Variants in GPLD1 observed in about 807,000 individuals in gnomAD.
The protein encoded by GPLD1 is glycosylphosphatidylinositol specific phospholipase D1, also known as phosphatidylinositol-glycan-specific phospholipase D.
In GPLD1, 84 loss-of-function variants were observed where a neutral mutation model predicts 112.6. The ratio of observed to expected loss-of-function variants is 0.75; its 90% CI spans 0.63 to 0.89. The LOEUF (loss-of-function observed/expected upper bound fraction) is 0.89. Ranked by LOEUF, GPLD1 falls within the 40% of genes least tolerant of loss-of-function variation. The pLI is 0.00. For missense variants in GPLD1, 1,044 were observed against 1,051.5 expected, an observed-to-expected ratio of 0.99 and a Z score of 0.10; for synonymous variants, 386 against 403.8, an observed-to-expected ratio of 0.96 and a Z score of 0.53.
Position 24,473,615 on chromosome 6 carries a change from G to C in GPLD1, c.490+4C>G. ...AAAATTTAGCAAATGTAAATAAACA[G>C]TACCAAAATCACCAGCCGAATGAGC... On this transcript the variant is annotated splice_donor_region_variant and intron_variant, in intron 6 of 24. Transcript: ENST00000230036. 1 of 1,590,902 alleles carries C rather than the reference G, an allele frequency of 6.3e-7. No individual in the cohort carries two copies. The highest frequency in any genetic ancestry group is 8.6e-7 in the Non-Finnish European group (1 of 1,159,318).
rs552592839 is a variant in GPLD1, at chr6:24,437,801, G to A, written c.2021-512C>T. On this transcript the variant is annotated intron_variant, in intron 20 of 24. Transcript: ENST00000230036. ...TGCCTGGAATAGAGGCATATGCTCCGCGTGCTCCCCTGTCCACATCCCTCT... is the reference window on the plus strand; with the variant it reads ...TGCCTGGAATAGAGGCATATGCTCCACGTGCTCCCCTGTCCACATCCCTCT... Among the ~76,000 whole-genome samples the A allele has an allele frequency of 7.9e-5, 12 of 152,264 alleles. No individual in the cohort carries two copies. The South Asian group carries it at 8.3e-4, about 11-fold the overall frequency.
At chr6:24,482,097 A>AT (rs66567770) in intron 2 of GPLD1, among the ~76,000 whole-genome samples, 25,752 of 103,158 alleles carry the variant, frequency 0.25, 3,525 homozygotes, top group South Asian at 0.29. Flanking sequence ...GTATTTTTGG[A>AT]TTTTTTTTTT....
intron 20 of GPLD1, 107 bp from the exon 21 acceptor site, chr6:24,437,396 A>G: frequency 9.1e-7 from 1 of 1,100,226 alleles, no homozygotes; most frequent in East Asian, 2.4e-5. Flanking sequence ...ATCCTACAGG[A>G]CAGTCGGTTT....
chr6:24,434,991 C>T (rs1762523691), intron 22 of GPLD1, among the ~76,000 whole-genome samples: 1 of 149,068 alleles, frequency 6.7e-6, no homozygotes, highest in East Asian at 2.0e-4. Flanking sequence ...TTTTTTTAAT[C>T]TGTAAATGGG....
At chr6:24,457,734 G>A (rs928473800) in intron 12 of GPLD1, among the ~76,000 whole-genome samples, 1 of 152,004 alleles carries the variant, frequency 6.6e-6, no homozygotes, top group Non-Finnish European at 1.5e-5. Flanking sequence ...TTAGCTGGGA[G>A]TGGTGGCGGG....
Position 24,425,870 on chromosome 6 carries a change from C to T in GPLD1, c.*3162G>A, listed in dbSNP as rs1561819754. On this transcript the variant is annotated 3_prime_UTR_variant, in exon 25 of 25. Transcript: ENST00000230036. ...AGCTATTTATTTTGGTGAGTTATTCCAAGAGTTGTATACAGCTTTATTTTT... is the reference window on the plus strand; with the variant it reads ...AGCTATTTATTTTGGTGAGTTATTCTAAGAGTTGTATACAGCTTTATTTTT... The T allele has an allele frequency of 2.0e-5, 3 of 152,116 alleles. No individual in the cohort carries two copies. The highest frequency in any genetic ancestry group is 1.5e-5 in the Non-Finnish European group (1 of 68,014). 9.4% of individuals were successfully genotyped at this position (152,116 alleles called of 1,614,324 possible).
chr6:24,480,986 T>C (rs1246531018), intron 2 of GPLD1, among the ~76,000 whole-genome samples: 2 of 152,210 alleles, frequency 1.3e-5, no homozygotes, highest in African/African-American at 4.8e-5. Context: ...ATATTGTTAG[T>C]AAGGCAGGTG....
intron 10 of GPLD1, among the ~76,000 whole-genome samples, chr6:24,463,998 C>T (rs55968948): frequency 0.15 from 22,522 of 152,122 alleles, 4,135 homozygotes; most frequent in African/African-American, 0.44. Context: ...GAATAAGGTC[C>T]AGCTATCTTT....
intron 2 of GPLD1, among the ~76,000 whole-genome samples, chr6:24,480,778 T>C (rs956064288): frequency 6.6e-6 from 1 of 152,224 alleles, no homozygotes; most frequent in Non-Finnish European, 1.5e-5. Flanking sequence ...ATGGGATGTC[T>C]AGCTGCATGC....
At position 24,473,677 on chromosome 6, in the gene GPLD1, A is replaced by T. The variant is rs1763902985; in HGVS notation, c.442-10T>A. The T allele has an allele frequency of 2.5e-6, 4 of 1,594,196 alleles. No individual in the cohort carries two copies. The highest frequency in any genetic ancestry group is 3.4e-6 in the Non-Finnish European group (4 of 1,162,700). ...AGCCGTGAAAATCAATCTAAGAAAG[A>T]AAGAGAACCATCTGGTGTGTATTAC... On this transcript the variant is annotated splice_polypyrimidine_tract_variant and intron_variant, in intron 5 of 24. Transcript: ENST00000230036.
rs188810195 is a variant in GPLD1, at chr6:24,463,937, G to A, written c.822-1142C>T. Among the ~76,000 whole-genome samples the A allele has an allele frequency of 1.0e-3, 155 of 152,250 alleles. 1 individual carries two copies. The Middle Eastern group carries it at 0.017, about 17-fold the overall frequency. On this transcript the variant is annotated intron_variant, in intron 10 of 24. Transcript: ENST00000230036. ...TTACACCTTGGTAAATTGGGACAGG[G>A]ATCAAGAGACAAGAAATATGTTCTT...
At chr6:24,455,209 C>G (rs1301513589) in intron 13 of GPLD1, among the ~76,000 whole-genome samples, 1 of 152,264 alleles carries the variant, frequency 6.6e-6, no homozygotes, top group Non-Finnish European at 1.5e-5. Context: ...TCAATGCTGG[C>G]CAGTAATGGC....
In GPLD1 at chr6:24,486,026, TAAAAG is replaced by T. The variant is rs778321287; in HGVS notation, c.153+44_153+48del. Reference sequence around the variant, plus strand: ...TGTTAGGATCTTTGTTTGGCACCTATAAAAGAAAACTAATGCACAAAGAAGAAAAG... The same window carrying T: ...TGTTAGGATCTTTGTTTGGCACCTATAAAACTAATGCACAAAGAAGAAAAG... On this transcript the variant is annotated intron_variant, in intron 2 of 24. Transcript: ENST00000230036. 4 of 1,103,048 alleles carry T rather than the reference TAAAAG, an allele frequency of 3.6e-6. No homozygotes were observed. The East Asian group carries it at 7.1e-5, about 19-fold the overall frequency. The allele number at this position is 1,103,048 out of a possible 1,614,324, so 68.3% of individuals were successfully genotyped here.
intron 23 of GPLD1, 62 bp downstream of exon 23, chr6:24,433,301 A>C: frequency 6.3e-7 from 1 of 1,585,876 alleles, no homozygotes. Flanking sequence ...ATCCGTTTAA[A>C]ATAAACCAAG....
chr6:24,492,020 C>T (rs541171292), upstream of GPLD1, among the ~76,000 whole-genome samples: 14 of 152,152 alleles, frequency 9.2e-5, no homozygotes, highest in South Asian at 4.1e-4. Flanking sequence ...TTCTTTCTGC[C>T]CCACACCCCC....
At chr6:24,486,537 C>A (rs1034647761) in intron 1 of GPLD1, among the ~76,000 whole-genome samples, 3 of 152,212 alleles carry the variant, frequency 2.0e-5, no homozygotes, top group Non-Finnish European at 4.4e-5. Context: ...AACTGCCAGA[C>A]CACACATGGT....
chr6:24,446,687 A>T lies in GPLD1; in HGVS notation c.1820+151T>A, dbSNP rs1376035711. 5.0e-6 allele frequency: 3 copies of T among 605,724 alleles called. No homozygotes were observed. The Admixed American group carries it at 1.1e-4, about 22-fold the overall frequency. The allele number at this position is 605,724 out of a possible 1,614,324, so 37.5% of individuals were successfully genotyped here. A position where few individuals can be genotyped will look rare whatever the true frequency, so the allele number is the denominator to read the frequency against. ...TTGTATTTTTAAATTTCTAAGGAGG[A>T]GAATTTGCAATCTTGCCCAGAGCCT... On this transcript the variant is annotated intron_variant, in intron 18 of 24. Coordinates refer to ENST00000230036, the MANE Select transcript of GPLD1 (RefSeq NM_001503.4).
rs139415041 is a variant in GPLD1, at chr6:24,442,321, A to C, written c.2020+3225T>G. Among the ~76,000 whole-genome samples, 346 of 148,590 alleles carry C rather than the reference A, an allele frequency of 2.3e-3. 3 individuals are homozygous for C. Among genetic ancestry groups the C allele is most frequent in the Middle Eastern group, 3.5e-3 (1 of 284 alleles). ...TTTTCTGTAGAGATGGGGTCTCCCTATATTGTCCAGGCTGGCCTCAAATTC... is the reference window on the plus strand; with the variant it reads ...TTTTCTGTAGAGATGGGGTCTCCCTCTATTGTCCAGGCTGGCCTCAAATTC... On this transcript the variant is annotated intron_variant, in intron 20 of 24. Transcript: ENST00000230036.
At chr6:24,441,146 T>A (rs796730408) in intron 20 of GPLD1, among the ~76,000 whole-genome samples, 13 of 139,578 alleles carry the variant, frequency 9.3e-5, no homozygotes, top group Non-Finnish European at 6.3e-5. Context: ...CTACTAAAAA[T>A]AAAAAAAAAA....
Sources: gnomAD v4.1 joint callset for allele counts (sites outside exome capture counted in the v4.1 genomes callset) on GRCh38, gnomAD v4.1.1 for gene constraint, MANE v1.5 for transcripts, NCBI Gene and HGNC (gene_info 2026-07-23, HGNC 2026-07-21) for gene names.